CDH12: variants seen among roughly 807,000 people sequenced by gnomAD.
CDH12 encodes the protein cadherin-12.
In CDH12, 41 loss-of-function variants were observed where a neutral mutation model predicts 74.1. That is an observed-to-expected ratio of 0.55 (90% CI 0.43 to 0.72). The LOEUF (loss-of-function observed/expected upper bound fraction) is 0.72, where lower values mean the gene tolerates loss of function less well. Among genes scored for constraint, CDH12 ranks in the 30% least tolerant of loss-of-function variants. The pLI, the probability that CDH12 is intolerant of heterozygous loss-of-function variation, is 0.00. For missense variants in CDH12, 945 were observed against 977.2 expected (o/e 0.97, Z 0.44); for synonymous variants, 399 against 355.0 (o/e 1.12, Z -1.39).
At chr5:22,159,870 T>C (rs1453934959) in intron 4 of CDH12, among the ~76,000 whole-genome samples, 1 of 152,202 alleles carries the variant, frequency 6.6e-6, no homozygotes, top group African/African-American at 2.4e-5. Context: ...AAGGCAGCTC[T>C]ATATACTAGG....
intron 1 of CDH12, among the ~76,000 whole-genome samples, chr5:22,682,448 G>A (rs1053817285): frequency 2.0e-5 from 3 of 152,136 alleles, no homozygotes; most frequent in East Asian, 3.9e-4. Context: ...AGGGTAGACA[G>A]GATACAACAT....
At position 22,823,097 on chromosome 5, in the gene CDH12, A is replaced by G. The variant is rs543123651; in HGVS notation, c.-523+29961T>C. ...TGTCCTTTGTAGGGACATGGATGAA[A>G]TTGGAAACCATCATTCTCAGCAAAC... On this transcript the variant is annotated intron_variant, in intron 1 of 14. Transcript: ENST00000382254. Among the ~76,000 whole-genome samples, 7 of 152,146 alleles carry G rather than the reference A, an allele frequency of 4.6e-5. No homozygotes were observed. The South Asian group carries it at 6.2e-4, about 14-fold the overall frequency.
In CDH12 at chr5:21,958,441, T is replaced by C. The variant is rs538411938; in HGVS notation, c.526+16650A>G. Among the ~76,000 whole-genome samples the C allele has an allele frequency of 3.9e-5, 6 of 152,326 alleles. No homozygotes were observed. In the East Asian group the frequency reaches 1.2e-3, roughly 29 times the overall value. On this transcript the variant is annotated intron_variant, in intron 6 of 14. Coordinates refer to ENST00000382254, the MANE Select transcript of CDH12 (RefSeq NM_004061.5). The stretch of plus-strand genomic sequence containing the variant: ...TCTAATTTTGTGTTTTGCATTTAAG[T>C]GTTTAATCCATCTTGAGTTGATTTT...
chr5:22,762,359 T>C (rs986072132), intron 1 of CDH12, among the ~76,000 whole-genome samples: 2 of 152,112 alleles, frequency 1.3e-5, no homozygotes, highest in African/African-American at 2.4e-5. Context: ...ATCTTACACA[T>C]TTGTTAGTTG....
chr5:21,854,569 T>G (rs1408291111), intron 7 of CDH12, 102 bp downstream of exon 7: 1 of 908,586 alleles, frequency 1.1e-6, no homozygotes, highest in Non-Finnish European at 1.7e-6. Flanking sequence ...GCACTGAAGC[T>G]TTATGGCTAT....
At chr5:22,843,071 A>T (rs541163115) in intron 1 of CDH12, among the ~76,000 whole-genome samples, 1 of 152,096 alleles carries the variant, frequency 6.6e-6, no homozygotes, top group East Asian at 1.9e-4. Context: ...AAAGAATAGA[A>T]GAGTAAATGC....
At chr5:22,653,154 C>G (rs1301766913) in intron 1 of CDH12, among the ~76,000 whole-genome samples, 1 of 152,108 alleles carries the variant, frequency 6.6e-6, no homozygotes. Context: ...CATCATCATT[C>G]TCTTCACCAC....
intron 1 of CDH12, among the ~76,000 whole-genome samples, chr5:22,698,996 CA>C (rs1742572529): frequency 6.6e-6 from 1 of 151,554 alleles, no homozygotes; most frequent in South Asian, 2.1e-4. Context: ...GAACAGAATG[CA>C]TAAGAATTTA....
At chr5:22,666,299 T>G (rs1176854067) in intron 1 of CDH12, among the ~76,000 whole-genome samples, 6 of 95,600 alleles carry the variant, frequency 6.3e-5, no homozygotes, top group Admixed American at 1.1e-4. Flanking sequence ...TTTTTTTTTT[T>G]TTGTTTTTGA....
intron 2 of CDH12, among the ~76,000 whole-genome samples, chr5:22,456,684 A>C (rs1464024747): frequency 6.6e-6 from 1 of 152,148 alleles, no homozygotes; most frequent in East Asian, 1.9e-4. Flanking sequence ...GCTAAATCAT[A>C]TTATAATGAT....
intron 2 of CDH12, among the ~76,000 whole-genome samples, chr5:22,431,833 CACA>C (rs1343573647): frequency 2.0e-5 from 3 of 151,986 alleles, no homozygotes; most frequent in Admixed American, 1.3e-4. Flanking sequence ...TGTGCAGCTG[CACA>C]ACATGTTTGT....
chr5:22,808,610 T>C (rs1748942767), intron 1 of CDH12, among the ~76,000 whole-genome samples: 2 of 144,786 alleles, frequency 1.4e-5, no homozygotes, highest in Admixed American at 1.4e-4. Flanking sequence ...CTTGTCTTTT[T>C]TTTTTTTTTT....
rs1561234068 is a variant in CDH12 at position 21,842,334 on chromosome 5, G to A, written c.647-6C>T. ...CAAAGCTGTTCTAATAACACCTTAAGGGATAAAAGCAATAATGTAAAATAA... is the reference window on the plus strand; with the variant it reads ...CAAAGCTGTTCTAATAACACCTTAAAGGATAAAAGCAATAATGTAAAATAA... On this transcript the variant is annotated splice_region_variant and splice_polypyrimidine_tract_variant and intron_variant, in intron 7 of 14. Coordinates refer to ENST00000382254, the MANE Select transcript of CDH12 (RefSeq NM_004061.5). 3 of 1,579,078 alleles carry A rather than the reference G, an allele frequency of 1.9e-6. No individual in the cohort carries two copies. The highest frequency in any genetic ancestry group is 2.6e-6 in the Non-Finnish European group (3 of 1,160,868).
At position 21,949,710 on chromosome 5, in the gene CDH12, A is replaced by G. The variant is rs375190654; in HGVS notation, c.526+25381T>C. Among the ~76,000 whole-genome samples the G allele has an allele frequency of 4.6e-5, 7 of 152,300 alleles. No homozygotes were observed. In the East Asian group the frequency reaches 1.2e-3, roughly 25 times the overall value. On this transcript the variant is annotated intron_variant, in intron 6 of 14. Transcript: ENST00000382254. ...AACAACAAAAAAATTAAAAGTTAAA[A>G]GATGTAAAATTACAAAAAAACTTAG... is the stretch of plus-strand genomic sequence containing the variant.
chr5:22,542,759 T>C (rs1162010234), intron 1 of CDH12, among the ~76,000 whole-genome samples: 1 of 152,158 alleles, frequency 6.6e-6, no homozygotes, highest in African/African-American at 2.4e-5. Flanking sequence ...AACTAGGGCA[T>C]TGAACTTAAT....
chr5:22,554,906 C>G (rs1300303264), intron 1 of CDH12, among the ~76,000 whole-genome samples: 2 of 152,118 alleles, frequency 1.3e-5, no homozygotes, highest in East Asian at 3.8e-4. Flanking sequence ...GTTACCCTCT[C>G]AAGCACACTT....
At chr5:22,487,161 C>A (rs1392772388) in intron 2 of CDH12, among the ~76,000 whole-genome samples, 1 of 151,960 alleles carries the variant, frequency 6.6e-6, no homozygotes. Context: ...TGCCACCACG[C>A]CCCACTAATT....
At chr5:22,464,273 T>C (rs1745638621) in intron 2 of CDH12, among the ~76,000 whole-genome samples, 1 of 152,190 alleles carries the variant, frequency 6.6e-6, no homozygotes, top group African/African-American at 2.4e-5. Flanking sequence ...CCTTTTCCTG[T>C]ATAAATTGCC....
intron 12 of CDH12, among the ~76,000 whole-genome samples, chr5:21,763,258 T>C: frequency 6.6e-6 from 1 of 152,200 alleles, no homozygotes; most frequent in East Asian, 1.9e-4. Context: ...ATACTCTATG[T>C]CTGCAGTCAC....
Sources: gnomAD v4.1 joint callset for allele counts (sites outside exome capture counted in the v4.1 genomes callset) on GRCh38, gnomAD v4.1.1 for gene constraint, MANE v1.5 for transcripts, NCBI Gene and HGNC (gene_info 2026-07-23, HGNC 2026-07-21) for gene names.